The following CADPS variants were observed in gnomAD, a reference collection of about 807,000 sequenced individuals.
CADPS encodes the protein calcium-dependent secretion activator 1.
CADPS carries 57 observed loss-of-function variants against 167.3 expected under a neutral mutation model. The ratio of observed to expected loss-of-function variants is 0.34; its 90% CI spans 0.28 to 0.42. CADPS has a LOEUF of 0.42. Among genes scored for constraint, CADPS ranks in the 20% least tolerant of loss-of-function variants. The pLI is 1.00. For synonymous variants in CADPS, 676 were observed against 635.3 expected (o/e 1.06, Z -0.96); for missense variants, 1,414 against 1,738.1 (o/e 0.81, Z 3.32).
intron 13 of CADPS, among the ~76,000 whole-genome samples, chr3:62,522,446 G>A (rs182772067): frequency 2.0e-4 from 31 of 152,166 alleles, no homozygotes; most frequent in Non-Finnish European, 3.8e-4. Flanking sequence ...GCCTGACACT[G>A]GCATTTTTAA....
rs62243488 is a variant in CADPS, at chr3:62,489,317, C to T, written c.3026+2022G>A. Among the ~76,000 whole-genome samples, 441 of 152,200 alleles carry T rather than the reference C, an allele frequency of 2.9e-3. 2 individuals carry two copies. Among genetic ancestry groups the T allele is most frequent in the South Asian group, 8.9e-3 (43 of 4,826 alleles). On this transcript the variant is annotated intron_variant, in intron 21 of 29. Transcript: ENST00000383710. ...CTGGGACTACAGGTGCCCACCACCA[C>T]GCCCAGCTAATTTTTTGTATTTTTA...
rs1490545558 is a variant in CADPS, at chr3:62,821,738, T to C, written c.441+52851A>G. Among the ~76,000 whole-genome samples, 3 of 152,186 alleles carry C rather than the reference T, an allele frequency of 2.0e-5. No homozygotes were observed. The East Asian group carries it at 5.8e-4, about 29-fold the overall frequency. On this transcript the variant is annotated intron_variant, in intron 1 of 29. Coordinates refer to ENST00000383710, the MANE Select transcript of CADPS (RefSeq NM_003716.4). ...CCAAATGATGACACAGTCATAGGTA[T>C]CAGGGGTTAGGGTTTCAACATAAAC...
At chr3:62,865,892 A>T (rs1560000104) in intron 1 of CADPS, among the ~76,000 whole-genome samples, 1 of 151,908 alleles carries the variant, frequency 6.6e-6, no homozygotes, top group Non-Finnish European at 1.5e-5. Context: ...AAATGAGCAC[A>T]TTTATTTATG....
chr3:62,833,516 T>C (rs555717784), intron 1 of CADPS, among the ~76,000 whole-genome samples: 1 of 152,130 alleles, frequency 6.6e-6, no homozygotes, highest in South Asian at 2.1e-4. Context: ...TAACAAATGA[T>C]AGTTTCAACT....
At position 62,485,859 on chromosome 3, in the gene CADPS, C is replaced by T. The variant is rs866136452; in HGVS notation, c.3027-3990G>A. ...GGAAAAGCTTTGGTTATTCAAAGTC[C>T]TTGTTTGACAAGGTAGGATACTGAG... is the stretch of plus-strand genomic sequence containing the variant. On this transcript the variant is annotated intron_variant, in intron 21 of 29. Coordinates refer to ENST00000383710, the MANE Select transcript of CADPS (RefSeq NM_003716.4). Among the ~76,000 whole-genome samples, 36 of 152,246 alleles carry T rather than the reference C, an allele frequency of 2.4e-4. 1 individual carries two copies. In the Middle Eastern group the frequency reaches 0.024, roughly 101 times the overall value.
At chr3:62,839,008 C>T (rs995837629) in intron 1 of CADPS, among the ~76,000 whole-genome samples, 2 of 152,112 alleles carry the variant, frequency 1.3e-5, no homozygotes, top group Admixed American at 1.3e-4. Flanking sequence ...CTGGGTCAGG[C>T]AGATAAGTGT....
chr3:62,414,358 G>T (rs2049593579), intron 28 of CADPS, among the ~76,000 whole-genome samples: 1 of 152,154 alleles, frequency 6.6e-6, no homozygotes, highest in South Asian at 2.1e-4. Context: ...GACTTATTAA[G>T]GTTTGGAATG....
At chr3:62,796,700 C>A (rs924738967) in intron 1 of CADPS, among the ~76,000 whole-genome samples, 6 of 152,108 alleles carry the variant, frequency 3.9e-5, no homozygotes, top group African/African-American at 9.7e-5. Context: ...ATTTCTGATT[C>A]AACTTAAATG....
chr3:62,813,913 C>G (rs565469821), intron 1 of CADPS, among the ~76,000 whole-genome samples: 1 of 152,176 alleles, frequency 6.6e-6, no homozygotes, highest in South Asian at 2.1e-4. Flanking sequence ...AGAGTAGAAG[C>G]TCAATAAATT....
intron 1 of CADPS, among the ~76,000 whole-genome samples, chr3:62,802,362 G>T (rs943674573): frequency 6.6e-6 from 1 of 152,124 alleles, no homozygotes; most frequent in Non-Finnish European, 1.5e-5. Flanking sequence ...TCTTTGCCCG[G>T]AATGTTTTCC....
At chr3:62,569,000 C>G (rs189879600) in intron 9 of CADPS, among the ~76,000 whole-genome samples, 2 of 152,214 alleles carry the variant, frequency 1.3e-5, no homozygotes, top group African/African-American at 4.8e-5. Context: ...TCAATGCACT[C>G]CACACAAAGT....
chr3:62,799,800 A>G (rs9867388), intron 1 of CADPS, among the ~76,000 whole-genome samples: 96,249 of 152,052 alleles, frequency 0.63, 31,583 homozygotes, highest in East Asian at 0.83. Context: ...TGTTACCACC[A>G]CCACCACCAT....
chr3:62,728,843 G>A (rs2077219349), intron 3 of CADPS, among the ~76,000 whole-genome samples: 1 of 151,814 alleles, frequency 6.6e-6, no homozygotes, highest in Non-Finnish European at 1.5e-5. Flanking sequence ...GAGCAAGTGT[G>A]TTTAAAACCT....
Position 62,478,145 on chromosome 3 carries a change from C to A in CADPS, c.3329+116G>T. 1 of 1,150,840 alleles carries A rather than the reference C, an allele frequency of 8.7e-7. No homozygotes were observed. The highest frequency in any genetic ancestry group is 1.3e-6 in the Non-Finnish European group (1 of 797,120). The allele number at this position is 1,150,840 out of a possible 1,614,324, so 71.3% of individuals were successfully genotyped here. On this transcript the variant is annotated intron_variant, in intron 23 of 29. Transcript: ENST00000383710. The surrounding 1 kb of genome is among the most constrained non-coding windows in gnomAD (Gnocchi z 5.7). Reference sequence around the variant, plus strand: ...ACTCCAGCTGACTTTGACAAGCAATCCCCTTCTCCAATTAGTTTCAAACTA... The same window carrying A: ...ACTCCAGCTGACTTTGACAAGCAATACCCTTCTCCAATTAGTTTCAAACTA...
intron 3 of CADPS, among the ~76,000 whole-genome samples, chr3:62,749,965 G>A (rs483513): frequency 0.91 from 138,139 of 152,236 alleles, 62,808 homozygotes; most frequent in African/African-American, 0.95. Context: ...TTTAATAGTT[G>A]GGTTTCACTT....
At chr3:62,569,058 AC>A (rs1235600043) in intron 9 of CADPS, among the ~76,000 whole-genome samples, 1 of 152,190 alleles carries the variant, frequency 6.6e-6, no homozygotes, top group African/African-American at 2.4e-5. Flanking sequence ...GAAATGTACC[AC>A]AAGCTAAAAT....
chr3:62,450,719 G>A (rs2057913426), intron 26 of CADPS, among the ~76,000 whole-genome samples: 2 of 152,216 alleles, frequency 1.3e-5, no homozygotes, highest in Non-Finnish European at 2.9e-5. Flanking sequence ...CTGTCAGTGA[G>A]CAATTGTTCA....
chr3:62,802,231 T>A (rs991546469), intron 1 of CADPS, among the ~76,000 whole-genome samples: 8 of 152,174 alleles, frequency 5.3e-5, no homozygotes, highest in African/African-American at 1.9e-4. Context: ...CATGCACACA[T>A]GTGCACACAC....
chr3:62,623,381 T>C lies in CADPS; in HGVS notation c.1325+22341A>G, dbSNP rs149619716. On this transcript the variant is annotated intron_variant, in intron 6 of 29. Transcript: ENST00000383710. ...GACTTTTTGGAATGGAAAGCTCCAC[T>C]GGATTATTCTTTATTGGTGGTTGAT... Among the ~76,000 whole-genome samples the C allele has an allele frequency of 2.5e-3, 376 of 152,280 alleles. 1 individual carries two copies. Among genetic ancestry groups the C allele is most frequent in the Middle Eastern group, 0.01 (3 of 294 alleles).
Sources: allele counts gnomAD v4.1 joint callset (sites outside exome capture counted in the v4.1 genomes callset), GRCh38; gene constraint gnomAD v4.1.1; non-coding constraint Gnocchi (gnomAD v3.1); transcripts MANE v1.5; gene names NCBI Gene and HGNC (gene_info 2026-07-23, HGNC 2026-07-21).